TMEM184B: variants seen among roughly 807,000 people sequenced by gnomAD.
The protein encoded by TMEM184B is putative MAPK-activating protein FM08.
In TMEM184B, 17 loss-of-function variants were observed where a neutral mutation model predicts 41.8. The ratio of observed to expected loss-of-function variants is 0.41; its 90% CI spans 0.28 to 0.61. TMEM184B has a LOEUF of 0.61. Among genes scored for constraint, TMEM184B ranks in the 20% least tolerant of loss-of-function variants. The pLI is 0.34. For missense variants in TMEM184B, 393 were observed against 557.8 expected, an observed-to-expected ratio of 0.70 and a Z score of 2.98; for synonymous variants, 240 against 229.5, an observed-to-expected ratio of 1.05 and a Z score of -0.41.
intron 3 of TMEM184B, among the ~76,000 whole-genome samples, chr22:38,237,574 G>A (rs1003379787): frequency 6.6e-6 from 1 of 152,214 alleles, no homozygotes; most frequent in Non-Finnish European, 1.5e-5. Flanking sequence ...TTCAGATAAC[G>A]GGTGGATGAG....
Position 38,220,345 on chromosome 22 carries a change from T to C in TMEM184B, c.*1124A>G, listed in dbSNP as rs2091224231. 16 of 985,990 alleles carry C rather than the reference T, an allele frequency of 1.6e-5. No homozygotes were observed. The highest frequency in any genetic ancestry group is 1.9e-5 in the Non-Finnish European group (16 of 830,214). 61.1% of individuals were successfully genotyped at this position (985,990 alleles called of 1,614,324 possible). On this transcript the variant is annotated 3_prime_UTR_variant, in exon 9 of 9. Transcript: ENST00000361906. ...AGCCCCAGGGAGCGTGTGGGACAGA[T>C]GGGGAGCCAGGGAGGGGCGCTTTCA...
intron 1 of TMEM184B, among the ~76,000 whole-genome samples, chr22:38,254,758 G>A (rs60241799): frequency 0.028 from 4,231 of 152,012 alleles, 191 homozygotes; most frequent in African/African-American, 0.097. Context: ...AATATCAAAT[G>A]CTGGCAAGGA....
intron 1 of TMEM184B, among the ~76,000 whole-genome samples, chr22:38,261,960 G>C (rs571329281): frequency 6.6e-6 from 1 of 152,214 alleles, no homozygotes; most frequent in Non-Finnish European, 1.5e-5. Flanking sequence ...ACCCAGCAAA[G>C]AGCGCACACG....
In TMEM184B at chr22:38,239,031, G is replaced by A. The variant is rs999027653; in HGVS notation, c.358+6904C>T. On this transcript the variant is annotated intron_variant, in intron 3 of 8. Coordinates refer to ENST00000361906, the MANE Select transcript of TMEM184B (RefSeq NM_012264.5). The surrounding 1 kb of genome is among the most constrained non-coding windows in gnomAD (Gnocchi z 4.6). ...CTGCATAAAGCGACATACGGACACC[G>A]CCTCCTGCCTCTGAACCCCAAGGCC... Among the ~76,000 whole-genome samples the A allele has an allele frequency of 6.6e-6, 1 of 152,146 alleles. No homozygotes were observed. Among genetic ancestry groups the A allele is most frequent in the East Asian group, 1.9e-4 (1 of 5,194 alleles).
At chr22:38,262,357 T>G (rs987145255) in intron 1 of TMEM184B, among the ~76,000 whole-genome samples, 5 of 152,180 alleles carry the variant, frequency 3.3e-5, no homozygotes, top group Non-Finnish European at 7.3e-5. Context: ...CAGAAGGCAG[T>G]GCAGAAGTGG....
At chr22:38,243,825 G>A (rs138749339) in intron 3 of TMEM184B, among the ~76,000 whole-genome samples, 70 of 152,286 alleles carry the variant, frequency 4.6e-4, no homozygotes, top group African/African-American at 1.6e-3. Flanking sequence ...CCATGGGCCC[G>A]GCTCTGTCTG....
intron 1 of TMEM184B, among the ~76,000 whole-genome samples, chr22:38,257,580 A>C (rs1318714413): frequency 2.0e-5 from 3 of 152,176 alleles, no homozygotes; most frequent in African/African-American, 7.2e-5. Context: ...CACGTTCCAA[A>C]AAATGACCCC....
In TMEM184B at chr22:38,262,255, G is replaced by A. The variant is rs191362831; in HGVS notation, c.-59+10629C>T. The stretch of plus-strand genomic sequence containing the variant: ...TGAGTGGTGACTACCGGCGAAGAGC[G>A]AGTGGCCAGGAGGGGGCCCCAGGGA... On this transcript the variant is annotated intron_variant, in intron 1 of 8. Coordinates refer to ENST00000361906, the MANE Select transcript of TMEM184B (RefSeq NM_012264.5). Among the ~76,000 whole-genome samples, 124 of 152,336 alleles carry A rather than the reference G, an allele frequency of 8.1e-4. No individual in the cohort carries two copies. The East Asian group carries it at 0.022, about 27-fold the overall frequency.
At chr22:38,264,834 G>A (rs1301119400) in intron 1 of TMEM184B, among the ~76,000 whole-genome samples, 2 of 152,142 alleles carry the variant, frequency 1.3e-5, no homozygotes, top group Non-Finnish European at 2.9e-5. Flanking sequence ...CAAACCAAAG[G>A]AAGCATTTGA....
intron 1 of TMEM184B, among the ~76,000 whole-genome samples, chr22:38,258,077 C>T (rs2092312960): frequency 6.6e-6 from 1 of 152,132 alleles, no homozygotes; most frequent in Non-Finnish European, 1.5e-5. Flanking sequence ...CATTCACACG[C>T]CACCCAGCAG....
At chr22:38,253,959 G>A (rs185526564) in intron 1 of TMEM184B, among the ~76,000 whole-genome samples, 1 of 152,272 alleles carries the variant, frequency 6.6e-6, no homozygotes, top group East Asian at 1.9e-4. Flanking sequence ...CCAGCACTTT[G>A]GGAGGCCAAG....
downstream of TMEM184B, chr22:38,216,497 T>G (rs1328377368): frequency 6.5e-6 from 1 of 154,922 alleles, no homozygotes; most frequent in Non-Finnish European, 1.6e-5. Context: ...TCTTTCTTTT[T>G]CCACAGAGAA....
chr22:38,220,522 G>A lies in TMEM184B; in HGVS notation c.*947C>T, dbSNP rs904693246. 6 of 985,778 alleles carry A rather than the reference G, an allele frequency of 6.1e-6. No individual in the cohort carries two copies. Among genetic ancestry groups the A allele is most frequent in the Non-Finnish European group, 7.2e-6 (6 of 830,038 alleles). The allele number at this position is 985,778 out of a possible 1,614,324, so 61.1% of individuals were successfully genotyped here. The stretch of plus-strand genomic sequence containing the variant: ...GGCCACCCCTCCCGGTCTCCCTGCC[G>A]GACTGCCTTCCCCCAGAAGCTGGTC... On this transcript the variant is annotated 3_prime_UTR_variant, in exon 9 of 9. Transcript: ENST00000361906.
chr22:38,263,807 T>C (rs1428829445), intron 1 of TMEM184B, among the ~76,000 whole-genome samples: 1 of 151,856 alleles, frequency 6.6e-6, no homozygotes, highest in Non-Finnish European at 1.5e-5. Flanking sequence ...AATATGTAGG[T>C]TTCTGTTTGT....
intron 8 of TMEM184B, among the ~76,000 whole-genome samples, chr22:38,224,449 T>C (rs1023373604): frequency 1.3e-5 from 2 of 151,928 alleles, no homozygotes; most frequent in African/African-American, 4.8e-5. Context: ...GCATATGAGA[T>C]GAGGGAATTA....
At position 38,266,646 on chromosome 22, in the gene TMEM184B, C is replaced by T. The variant is rs112697515; in HGVS notation, c.-59+6238G>A. ...ATGCTATGGGTAAATGTTTATAACC[C>T]GGTGTTAAGTAAACAATGAGATAAC... On this transcript the variant is annotated intron_variant, in intron 1 of 8. Transcript: ENST00000361906. Among the ~76,000 whole-genome samples, 81 of 152,304 alleles carry T rather than the reference C, an allele frequency of 5.3e-4. 3 individuals are homozygous for T. Among genetic ancestry groups the T allele is most frequent in the African/African-American group, 1.8e-3 (73 of 41,570 alleles).
At chr22:38,251,924 T>C (rs1299712458) in intron 1 of TMEM184B, among the ~76,000 whole-genome samples, 1 of 149,796 alleles carries the variant, frequency 6.7e-6, no homozygotes, top group Non-Finnish European at 1.5e-5. Flanking sequence ...GACAAGAGTC[T>C]TGCTCTGTTG....
At position 38,225,733 on chromosome 22, in the gene TMEM184B, T is replaced by C. The variant is rs1193412548; in HGVS notation, c.618-140A>G. ...CAACGAGCCACTGAAGGGGTCAGAA[T>C]GGGTGATCAAAGCGACAGACAGGGG... On this transcript the variant is annotated intron_variant, in intron 6 of 8. Coordinates refer to ENST00000361906, the MANE Select transcript of TMEM184B (RefSeq NM_012264.5). The surrounding 1 kb of genome is among the most constrained non-coding windows in gnomAD (Gnocchi z 4.4). The C allele has an allele frequency of 2.1e-6, 2 of 965,712 alleles. No homozygotes were observed. The highest frequency in any genetic ancestry group is 1.7e-5 in the African/African-American group (1 of 57,472). 59.8% of individuals were successfully genotyped at this position (965,712 alleles called of 1,614,324 possible).
At position 38,220,099 on chromosome 22, in the gene TMEM184B, T is replaced by C. The variant is rs997082303; in HGVS notation, c.*1370A>G. ...ACCCAGGGATAATCTGGGTTTTAAA[T>C]GCCAGGACACTTTGCCTGTAGGGAC... On this transcript the variant is annotated 3_prime_UTR_variant, in exon 9 of 9. Coordinates refer to ENST00000361906, the MANE Select transcript of TMEM184B (RefSeq NM_012264.5). The C allele has an allele frequency of 3.0e-6, 3 of 985,302 alleles. No homozygotes were observed. The African/African-American group carries it at 5.2e-5, about 17-fold the overall frequency. The allele number at this position is 985,302 out of a possible 1,614,324, so 61.0% of individuals were successfully genotyped here. A position where few individuals can be genotyped will look rare whatever the true frequency, so the allele number is the denominator to read the frequency against.
Sources: allele counts gnomAD v4.1 joint callset (sites outside exome capture counted in the v4.1 genomes callset), GRCh38; gene constraint gnomAD v4.1.1; non-coding constraint Gnocchi (gnomAD v3.1); transcripts MANE v1.5; gene names NCBI Gene and HGNC (gene_info 2026-07-23, HGNC 2026-07-21).